The following CNN3 variants were observed in gnomAD, a reference collection of about 807,000 sequenced individuals.
CNN3 encodes the protein calponin 3.
CNN3 carries 11 observed loss-of-function variants against 39.0 expected under a neutral mutation model. The observed-to-expected ratio is 0.28, with a 90% confidence interval of 0.18 to 0.47. CNN3 has a LOEUF of 0.47. CNN3 is among the 20% of genes least tolerant of loss of function. The pLI is 0.99. For missense variants in CNN3, 266 were observed against 403.4 expected (o/e 0.66, Z 2.92); for synonymous variants, 101 against 138.3 (o/e 0.73, Z 1.89).
At chr1:94,909,687 C>A (rs1005369747) in intron 1 of CNN3, among the ~76,000 whole-genome samples, 3 of 152,178 alleles carry the variant, frequency 2.0e-5, no homozygotes, top group Non-Finnish European at 2.9e-5. Flanking sequence ...AACAGCCATG[C>A]CCCTCCCTGG....
chr1:94,900,043 G>C (rs999492564), intron 5 of CNN3, among the ~76,000 whole-genome samples: 1 of 152,036 alleles, frequency 6.6e-6, no homozygotes, highest in African/African-American at 2.4e-5. Context: ...CATGTCCTTG[G>C]ACAGAGCTGG....
chr1:94,900,576 T>C (rs1439817338), intron 5 of CNN3, among the ~76,000 whole-genome samples: 1 of 152,240 alleles, frequency 6.6e-6, no homozygotes, highest in Non-Finnish European at 1.5e-5. Context: ...ACTACTGTTC[T>C]GAAATTTAGG....
intron 5 of CNN3, among the ~76,000 whole-genome samples, chr1:94,901,465 C>T (rs1459889830): frequency 1.3e-5 from 2 of 148,956 alleles, no homozygotes; most frequent in African/African-American, 5.0e-5. Flanking sequence ...AAATAATTGT[C>T]AAGTCAGGTG....
chr1:94,926,456 A>G lies in CNN3; in HGVS notation c.57+382T>C, dbSNP rs1190165805. Among the ~76,000 whole-genome samples, 3 of 152,180 alleles carry G rather than the reference A, an allele frequency of 2.0e-5. No individual in the cohort carries two copies. The highest frequency in any genetic ancestry group is 2.9e-5 in the Non-Finnish European group (2 of 68,010). On this transcript the variant is annotated intron_variant, in intron 1 of 6. Coordinates refer to ENST00000370206, the MANE Select transcript of CNN3 (RefSeq NM_001839.5). This position sits in a 1 kb window ranked among gnomAD's most constrained non-coding sequence, Gnocchi z 4.2. ...CGGCTCGCCGGGTCCCTGGCCGCGC[A>G]GACGGGCTCCGCCTAAGGGCGAGTG...
In CNN3 at chr1:94,897,371, T is replaced by TAAAAAAAA. The variant is rs56226800; in HGVS notation, c.*363_*370dup. ...TGTAGAAACCAGATACACTAAACTGTAAAAAAAAAAAAAAAAAAAAAAAGT... is the reference window on the plus strand; with the variant it reads ...TGTAGAAACCAGATACACTAAACTGTAAAAAAAAAAAAAAAAAAAAAAAAAAAAAAAGT... On this transcript the variant is annotated 3_prime_UTR_variant, in exon 7 of 7. Transcript: ENST00000370206. 1 of 126,686 alleles carries TAAAAAAAA rather than the reference T, an allele frequency of 7.9e-6. No individual in the cohort carries two copies. The highest frequency in any genetic ancestry group is 7.9e-5 in the Admixed American group (1 of 12,606). The allele number at this position is 126,686 out of a possible 1,614,324, so 7.8% of individuals were successfully genotyped here.
intron 1 of CNN3, among the ~76,000 whole-genome samples, chr1:94,911,428 A>C (rs192918340): frequency 2.6e-5 from 4 of 152,342 alleles, no homozygotes; most frequent in Admixed American, 1.3e-4. Flanking sequence ...TAATCAGGTA[A>C]ATACAAAAAC....
Position 94,897,714 on chromosome 1 carries a change from C to G in CNN3, c.*28G>C. On this transcript the variant is annotated 3_prime_UTR_variant, in exon 7 of 7. Coordinates refer to ENST00000370206, the MANE Select transcript of CNN3 (RefSeq NM_001839.5). ...GTTCTCACTGAATAAAAACAAAGGA[C>G]TAAATACTGAGCTCCTTCTGTGTGG... 6.3e-7 allele frequency: 1 copy of G among 1,589,038 alleles called. No individual in the cohort carries two copies. Among genetic ancestry groups the G allele is most frequent in the South Asian group, 1.1e-5 (1 of 87,860 alleles).
intron 1 of CNN3, among the ~76,000 whole-genome samples, chr1:94,912,439 A>C (rs915685355): frequency 6.6e-6 from 1 of 152,198 alleles, no homozygotes; most frequent in Non-Finnish European, 1.5e-5. Flanking sequence ...GCAAGGATCT[A>C]TTACTGGCTG....
intron 5 of CNN3, 104 bp from the exon 6 acceptor site, chr1:94,899,621 G>A (rs1265979758): frequency 1.1e-5 from 13 of 1,174,348 alleles, no homozygotes; most frequent in South Asian, 3.1e-5. Context: ...GGGCACAACC[G>A]ACAAGTTACT....
At chr1:94,906,310 T>C (rs1254710744) in intron 1 of CNN3, among the ~76,000 whole-genome samples, 1 of 152,160 alleles carries the variant, frequency 6.6e-6, no homozygotes, top group Non-Finnish European at 1.5e-5. Flanking sequence ...CTTGACTATA[T>C]TTTTACACTG....
At chr1:94,915,195 A>G (rs1176370774) in intron 1 of CNN3, among the ~76,000 whole-genome samples, 1 of 152,228 alleles carries the variant, frequency 6.6e-6, no homozygotes, top group East Asian at 1.9e-4. Context: ...AAAAGCCATT[A>G]GGTTCATTTT....
intron 6 of CNN3, 128 bp from the exon 7 acceptor site, chr1:94,898,211 A>T (rs1670773928): frequency 4.2e-6 from 4 of 961,194 alleles, no homozygotes; most frequent in African/African-American, 3.3e-5. Context: ...GTTCAGGGGT[A>T]AAGCTAGCTT....
At chr1:94,922,761 C>T (rs1466904107) in intron 1 of CNN3, among the ~76,000 whole-genome samples, 4 of 152,182 alleles carry the variant, frequency 2.6e-5, no homozygotes, top group Non-Finnish European at 5.9e-5. Context: ...AGGAGGACTT[C>T]GCGGACACTG....
At chr1:94,914,892 CTT>C (rs112591471) in intron 1 of CNN3, among the ~76,000 whole-genome samples, 1 of 148,872 alleles carries the variant, frequency 6.7e-6, no homozygotes, top group Non-Finnish European at 1.5e-5. Context: ...CATTTTCTCT[CTT>C]TTTTTTTTCA....
At chr1:94,917,628 T>G (rs1292630108) in intron 1 of CNN3, among the ~76,000 whole-genome samples, 2 of 152,190 alleles carry the variant, frequency 1.3e-5, no homozygotes, top group Non-Finnish European at 2.9e-5. Flanking sequence ...AGTTACACAC[T>G]TTTCTACACA....
At chr1:94,922,857 T>C (rs371504134) in intron 1 of CNN3, among the ~76,000 whole-genome samples, 2 of 152,236 alleles carry the variant, frequency 1.3e-5, no homozygotes, top group South Asian at 2.1e-4. Flanking sequence ...TTTTTAGGTG[T>C]TGAGAAATAC....
At chr1:94,898,158 A>G in intron 6 of CNN3, 75 bp from the exon 7 acceptor site, 1 of 1,401,650 alleles carries the variant, frequency 7.1e-7, no homozygotes, top group Non-Finnish European at 9.7e-7. Flanking sequence ...TAAATTATAG[A>G]ATTCACATTG....
chr1:94,908,896 C>A (rs142516436), intron 1 of CNN3, among the ~76,000 whole-genome samples: 1,599 of 150,366 alleles, frequency 0.011, 25 homozygotes, highest in African/African-American at 0.038. Context: ...TGTAATCCTG[C>A]AACTTTGGGA....
intron 1 of CNN3, among the ~76,000 whole-genome samples, chr1:94,912,514 G>C (rs899949930): frequency 1.3e-5 from 2 of 152,062 alleles, no homozygotes; most frequent in Non-Finnish European, 2.9e-5. Flanking sequence ...CAAGCACTCA[G>C]GGAGAAGGGC....
Sources: gnomAD v4.1 joint callset for allele counts (sites outside exome capture counted in the v4.1 genomes callset) on GRCh38, gnomAD v4.1.1 for gene constraint, Gnocchi (gnomAD v3.1) non-coding constraint, MANE v1.5 for transcripts, NCBI Gene and HGNC (gene_info 2026-07-23, HGNC 2026-07-21) for gene names.